CFAP54: variants seen among roughly 807,000 people sequenced by gnomAD.
CFAP54 encodes cilia and flagella associated protein 54.
Under a neutral mutation model 370.4 loss-of-function variants are expected in CFAP54, and 290 were observed. That is an observed-to-expected ratio of 0.78 (90% CI 0.71 to 0.86). CFAP54 has a LOEUF of 0.86. Among genes scored for constraint, CFAP54 ranks in the 40% least tolerant of loss-of-function variants. The pLI is 0.00. For synonymous variants in CFAP54, 1,206 were observed against 1,236.5 expected, an observed-to-expected ratio of 0.98 and a Z score of 0.52; for missense variants, 3,399 against 3,528.7, an observed-to-expected ratio of 0.96 and a Z score of 0.93.
chr12:96,704,852 G>T, intron 47 of CFAP54, 56 bp downstream of exon 47: 1 of 632,898 alleles, frequency 1.6e-6, no homozygotes, highest in Non-Finnish European at 2.6e-6. Context: ...TAATTTTTGA[G>T]TCATTCTAAT....
At chr12:96,628,125 T>A (rs1956566409) in intron 30 of CFAP54, among the ~76,000 whole-genome samples, 2 of 152,186 alleles carry the variant, frequency 1.3e-5, no homozygotes, top group African/African-American at 4.8e-5. Context: ...TAGGTTTGCA[T>A]AAGTACACTC....
At chr12:96,741,390 T>A (rs984264434) in intron 51 of CFAP54, among the ~76,000 whole-genome samples, 1 of 152,284 alleles carries the variant, frequency 6.6e-6, no homozygotes. Context: ...CTCGAACTCC[T>A]GACCTCAGGT....
At chr12:96,749,172 G>A (rs750560821) in intron 55 of CFAP54, among the ~76,000 whole-genome samples, 2 of 152,224 alleles carry the variant, frequency 1.3e-5, no homozygotes, top group African/African-American at 2.4e-5. Flanking sequence ...GAATAATGGA[G>A]TAGTAGATTT....
At chr12:96,554,458 G>C in intron 16 of CFAP54, 148 bp downstream of exon 16, 1 of 1,121,072 alleles carries the variant, frequency 8.9e-7, no homozygotes, top group Non-Finnish European at 1.2e-6. Context: ...AAGAGAGCTA[G>C]GAGAATGAGG....
At chr12:96,845,602 C>T (rs911442673) in intron 66 of CFAP54, among the ~76,000 whole-genome samples, 6 of 152,234 alleles carry the variant, frequency 3.9e-5, no homozygotes, top group African/African-American at 1.2e-4. Context: ...AAAATTCCCC[C>T]ATGGGGTTGG....
intron 26 of CFAP54, among the ~76,000 whole-genome samples, chr12:96,616,480 G>T (rs937034728): frequency 6.6e-6 from 1 of 152,178 alleles, no homozygotes; most frequent in Admixed American, 6.5e-5. Context: ...ACTGCATGTT[G>T]TACACATGTA....
intron 66 of CFAP54, among the ~76,000 whole-genome samples, chr12:96,830,791 G>A (rs1959168251): frequency 6.6e-6 from 1 of 152,066 alleles, no homozygotes. Context: ...TGATTCTCCT[G>A]CCTCAGCCTC....
intron 12 of CFAP54, among the ~76,000 whole-genome samples, chr12:96,536,832 T>G (rs6538725): frequency 0.42 from 63,365 of 151,800 alleles, 13,725 homozygotes; most frequent in South Asian, 0.46. Context: ...CCCCATGTTG[T>G]ACAGGCTGGT....
chr12:96,536,600 C>T (rs1955506329), intron 12 of CFAP54, among the ~76,000 whole-genome samples: 1 of 149,154 alleles, frequency 6.7e-6, no homozygotes, highest in Non-Finnish European at 1.5e-5. Flanking sequence ...TTTCCTTTAT[C>T]TGTTTTTCTT....
At chr12:96,503,055 CCTTT>C (rs1955048305) in intron 2 of CFAP54, among the ~76,000 whole-genome samples, 1 of 136,076 alleles carries the variant, frequency 7.3e-6, no homozygotes, top group African/African-American at 3.0e-5. Flanking sequence ...TCCCTCCCTT[CCTTT>C]CTCTCTCTCT....
chr12:96,775,795 C>G (rs370775717), intron 60 of CFAP54, among the ~76,000 whole-genome samples: 1 of 152,078 alleles, frequency 6.6e-6, no homozygotes, highest in South Asian at 2.1e-4. Flanking sequence ...ACTTTTTGGC[C>G]AGAATTCTAC....
At chr12:96,634,412 T>G (rs1175174997) in intron 32 of CFAP54, among the ~76,000 whole-genome samples, 7 of 152,118 alleles carry the variant, frequency 4.6e-5, no homozygotes, top group Non-Finnish European at 8.8e-5. Flanking sequence ...AAATATCTGT[T>G]TATGTCTTTT....
chr12:96,647,334 G>A (rs576781612), intron 33 of CFAP54, among the ~76,000 whole-genome samples: 3 of 151,358 alleles, frequency 2.0e-5, no homozygotes, highest in African/African-American at 4.8e-5. Flanking sequence ...TTAGCCAGGC[G>A]TGGTGGTGGG....
chr12:96,834,992 C>T (rs1188922113), intron 66 of CFAP54, among the ~76,000 whole-genome samples: 1 of 152,020 alleles, frequency 6.6e-6, no homozygotes, highest in East Asian at 1.9e-4. Context: ...GAGAGGAGAC[C>T]CTGGAGTGGG....
At chr12:96,611,327 C>G (rs994963417) in intron 26 of CFAP54, among the ~76,000 whole-genome samples, 7 of 152,186 alleles carry the variant, frequency 4.6e-5, no homozygotes, top group African/African-American at 1.7e-4. Flanking sequence ...GCTGAGGGTC[C>G]TGACTGTTAG....
intron 66 of CFAP54, among the ~76,000 whole-genome samples, chr12:96,854,930 A>G (rs1051645972): frequency 2.6e-5 from 4 of 152,338 alleles, no homozygotes; most frequent in Non-Finnish European, 5.9e-5. Context: ...TATGTTCTAA[A>G]TAAAGACATA....
intron 4 of CFAP54, among the ~76,000 whole-genome samples, chr12:96,510,808 C>T (rs898674342): frequency 1.3e-5 from 2 of 151,842 alleles, no homozygotes; most frequent in Admixed American, 6.6e-5. Context: ...ACTAAAAATA[C>T]AAAAATTAGC....
chr12:96,561,559 C>T (rs186659132), intron 17 of CFAP54, among the ~76,000 whole-genome samples: 4 of 151,962 alleles, frequency 2.6e-5, no homozygotes, highest in Admixed American at 2.0e-4. Flanking sequence ...CTTTCTCTAC[C>T]CCCAGATCTG....
At chr12:96,586,636 G>C (rs746746445) in intron 22 of CFAP54, among the ~76,000 whole-genome samples, 4 of 152,200 alleles carry the variant, frequency 2.6e-5, no homozygotes, top group Non-Finnish European at 5.9e-5. Context: ...GGAAGCTTGT[G>C]TGACTGGAGC....
Sources: gnomAD v4.1 joint callset for allele counts (sites outside exome capture counted in the v4.1 genomes callset) on GRCh38, gnomAD v4.1.1 for gene constraint, MANE v1.5 for transcripts, NCBI Gene and HGNC (gene_info 2026-07-23, HGNC 2026-07-21) for gene names.